ALK: variants seen among roughly 807,000 people sequenced by gnomAD.
The protein encoded by ALK is ALK receptor tyrosine kinase, also known as ALK tyrosine kinase receptor.
A neutral mutation model predicts 163.1 loss-of-function variants in ALK; 74 were observed. The ratio of observed to expected loss-of-function variants is 0.45; its 90% CI spans 0.38 to 0.55. The LOEUF (loss-of-function observed/expected upper bound fraction) is 0.55. Ranked by LOEUF, ALK falls within the 20% of genes least tolerant of loss-of-function variation. The probability of loss-of-function intolerance (pLI) is 0.00; values close to 1 mark genes in which losing one functional copy is unlikely to be tolerated. For missense variants in ALK, 2,063 were observed against 2,105.3 expected, an observed-to-expected ratio of 0.98 and a Z score of 0.39; for synonymous variants, 960 against 843.2, an observed-to-expected ratio of 1.14 and a Z score of -2.40.
In ALK at chr2:29,787,261, C is replaced by G. The variant is rs1572378905; in HGVS notation, c.668-69564G>C. On this transcript the variant is annotated intron_variant, in intron 1 of 28. Coordinates refer to ENST00000389048, the MANE Select transcript of ALK (RefSeq NM_004304.5). ...AATAATCTATCTAGTGATTGTTCAT[C>G]TAGAATACATGTACTTACTATGTCC... Among the ~76,000 whole-genome samples, 4 of 152,300 alleles carry G rather than the reference C, an allele frequency of 2.6e-5. No individual in the cohort carries two copies. The South Asian group carries it at 8.3e-4, about 32-fold the overall frequency.
At chr2:29,201,495 A>G (rs1669177746) in intron 26 of ALK, among the ~76,000 whole-genome samples, 1 of 152,034 alleles carries the variant, frequency 6.6e-6, no homozygotes, top group African/African-American at 2.4e-5. Flanking sequence ...TACATTCAAG[A>G]TAGATCTTGA....
chr2:29,900,505 A>G (rs1667383538), intron 1 of ALK, among the ~76,000 whole-genome samples: 2 of 152,122 alleles, frequency 1.3e-5, no homozygotes, highest in African/African-American at 4.8e-5. Flanking sequence ...ACGTAAGCAC[A>G]CTCATTTTTA....
At chr2:29,634,777 G>C (rs1676475144) in intron 3 of ALK, among the ~76,000 whole-genome samples, 1 of 152,046 alleles carries the variant, frequency 6.6e-6, no homozygotes, top group Non-Finnish European at 1.5e-5. Context: ...GGGCAATAGG[G>C]CAAAAATACA....
intron 1 of ALK, among the ~76,000 whole-genome samples, chr2:29,884,667 G>A (rs1666945767): frequency 6.6e-6 from 1 of 152,200 alleles, no homozygotes. Flanking sequence ...GCAAAAGGAA[G>A]GTGAAGGATC....
chr2:29,628,148 T>C (rs991357896), intron 3 of ALK, among the ~76,000 whole-genome samples: 2 of 152,210 alleles, frequency 1.3e-5, no homozygotes, highest in African/African-American at 4.8e-5. Context: ...ATCTTTTCCC[T>C]TTGACTTTCA....
chr2:29,225,405 C>T (rs2148176160), intron 19 of ALK, 56 bp downstream of exon 19: 1 of 1,441,172 alleles, frequency 6.9e-7, no homozygotes, highest in South Asian at 1.2e-5. Context: ...GCCTGAGACA[C>T]TATTCAGTCC....
At chr2:29,777,835 G>A (rs958388623) in intron 1 of ALK, among the ~76,000 whole-genome samples, 1 of 152,104 alleles carries the variant, frequency 6.6e-6, no homozygotes, top group Non-Finnish European at 1.5e-5. Flanking sequence ...TTCTAGCTCT[G>A]ACTGCCCAAG....
At chr2:29,690,545 C>T (rs1678366331) in intron 3 of ALK, among the ~76,000 whole-genome samples, 1 of 152,160 alleles carries the variant, frequency 6.6e-6, no homozygotes, top group African/African-American at 2.4e-5. Context: ...TTCCAAAACA[C>T]CGGAAGCAGT....
intron 3 of ALK, among the ~76,000 whole-genome samples, chr2:29,666,894 T>C (rs1677529309): frequency 6.6e-6 from 1 of 151,990 alleles, no homozygotes; most frequent in Non-Finnish European, 1.5e-5. Flanking sequence ...TCTATCTTCA[T>C]GAGATCCACT....
rs141347860 is a variant in ALK, at chr2:29,756,008, A to G, written c.668-38311T>C. 4.6e-5 allele frequency among the ~76,000 whole-genome samples: 7 copies of G among 152,352 alleles called. No homozygotes were observed. The East Asian group carries it at 1.3e-3, about 29-fold the overall frequency. On this transcript the variant is annotated intron_variant, in intron 1 of 28. Coordinates refer to ENST00000389048, the MANE Select transcript of ALK (RefSeq NM_004304.5). ...GCACCTCAGTTGTGCTGATGTAAGCATCAAGCCAGAACACAAAAAGCCCGA... is the reference window on the plus strand; with the variant it reads ...GCACCTCAGTTGTGCTGATGTAAGCGTCAAGCCAGAACACAAAAAGCCCGA...
chr2:29,245,572 C>T (rs1202569534), intron 12 of ALK, among the ~76,000 whole-genome samples: 3 of 139,130 alleles, frequency 2.2e-5, no homozygotes, highest in African/African-American at 8.2e-5. Flanking sequence ...TGGCTCAATG[C>T]CCTGCACACA....
chr2:29,300,903 T>G (rs539891910), intron 8 of ALK, among the ~76,000 whole-genome samples: 1 of 152,256 alleles, frequency 6.6e-6, no homozygotes, highest in Non-Finnish European at 1.5e-5. Flanking sequence ...CCATCTGCAA[T>G]AGGACCAAGT....
chr2:29,846,698 AG>A (rs1665851791), intron 1 of ALK, among the ~76,000 whole-genome samples: 1 of 152,354 alleles, frequency 6.6e-6, no homozygotes, highest in East Asian at 1.9e-4. Flanking sequence ...GATTGTCAAA[AG>A]TCTGGCAACT....
At chr2:29,520,648 G>A (rs1380929544) in intron 4 of ALK, among the ~76,000 whole-genome samples, 1 of 152,156 alleles carries the variant, frequency 6.6e-6, no homozygotes, top group African/African-American at 2.4e-5. Context: ...TGGAGGAGAA[G>A]ACCTATTGTT....
chr2:29,463,697 G>A (rs1438935376), intron 4 of ALK, among the ~76,000 whole-genome samples: 2 of 152,236 alleles, frequency 1.3e-5, no homozygotes, highest in Non-Finnish European at 2.9e-5. Context: ...CTAAGTCAAG[G>A]TTGGGATGGG....
chr2:29,658,242 C>T (rs191561253), intron 3 of ALK, among the ~76,000 whole-genome samples: 1 of 152,266 alleles, frequency 6.6e-6, no homozygotes, highest in Non-Finnish European at 1.5e-5. Flanking sequence ...ACAATGAGCA[C>T]TATGTCAGCC....
At chr2:29,226,523 T>G (rs1664000681) in intron 18 of ALK, among the ~76,000 whole-genome samples, 1 of 148,952 alleles carries the variant, frequency 6.7e-6, no homozygotes, top group South Asian at 2.1e-4. Flanking sequence ...ATGGGAGCAC[T>G]GTCTTCAAAC....
At chr2:29,872,277 G>A (rs1045382755) in intron 1 of ALK, among the ~76,000 whole-genome samples, 8 of 152,202 alleles carry the variant, frequency 5.3e-5, no homozygotes, top group African/African-American at 1.9e-4. Flanking sequence ...GAACTGCAGA[G>A]AGCATGATAT....
intron 3 of ALK, among the ~76,000 whole-genome samples, chr2:29,646,578 C>T (rs1366003087): frequency 1.3e-5 from 2 of 152,154 alleles, no homozygotes; most frequent in African/African-American, 2.4e-5. Flanking sequence ...TTGACCTCAT[C>T]TCCTGCCACT....
Sources: gnomAD v4.1 joint callset for allele counts (sites outside exome capture counted in the v4.1 genomes callset) on GRCh38, gnomAD v4.1.1 for gene constraint, MANE v1.5 for transcripts, NCBI Gene and HGNC (gene_info 2026-07-23, HGNC 2026-07-21) for gene names.